AHI1: variants seen among roughly 807,000 people sequenced by gnomAD.
AHI1 encodes jouberin.
In AHI1, 123 loss-of-function variants were observed where a neutral mutation model predicts 149.3. That is an observed-to-expected ratio of 0.82 (90% confidence interval 0.71 to 0.96). The LOEUF (loss-of-function observed/expected upper bound fraction) is 0.96. Among genes scored for constraint, AHI1 ranks in the 40% least tolerant of loss-of-function variants. The pLI, the probability that AHI1 is intolerant of heterozygous loss-of-function variation, is 0.00. For synonymous variants in AHI1, 475 were observed against 459.8 expected (o/e 1.03, Z -0.42); for missense variants, 1,439 against 1,422.7 (o/e 1.01, Z -0.18).
At chr6:135,427,574 G>A (rs1562743064) in intron 19 of AHI1, among the ~76,000 whole-genome samples, 2 of 151,652 alleles carry the variant, frequency 1.3e-5, no homozygotes, top group Non-Finnish European at 3.0e-5. Flanking sequence ...GGCACAGACG[G>A]AAGTAGAGAG....
chr6:135,487,939 T>C (rs115577659), intron 5 of AHI1, among the ~76,000 whole-genome samples: 2,099 of 152,162 alleles, frequency 0.014, 61 homozygotes, highest in African/African-American at 0.048. Context: ...CTGATATTTC[T>C]CTAATAATGC....
intron 24 of AHI1, among the ~76,000 whole-genome samples, chr6:135,337,772 A>AG (rs1183904394): frequency 6.7e-6 from 1 of 149,972 alleles, no homozygotes; most frequent in Non-Finnish European, 1.5e-5. Context: ...CTCAAAAAGA[A>AG]AAAAAAAAAA....
intron 24 of AHI1, among the ~76,000 whole-genome samples, chr6:135,337,346 T>C (rs1432769273): frequency 1.3e-5 from 2 of 152,228 alleles, no homozygotes; most frequent in East Asian, 3.8e-4. Flanking sequence ...CATACACATA[T>C]ATGTATATAT....
chr6:135,463,118 A>C lies in AHI1; in HGVS notation c.931+7T>G. The C allele has an allele frequency of 6.4e-7, 1 of 1,568,246 alleles. No individual in the cohort carries two copies. Among genetic ancestry groups the C allele is most frequent in the Middle Eastern group, 2.0e-4 (1 of 5,024 alleles). On this transcript the variant is annotated splice_region_variant and intron_variant, in intron 8 of 28. Coordinates refer to ENST00000265602, the MANE Select transcript of AHI1 (RefSeq NM_001134831.2). ...ACACAATTTTTCATTTAATTTGTAT[A>C]GCAAACCTGCTTTAGTCTTCTTTTT...
intron 23 of AHI1, among the ~76,000 whole-genome samples, chr6:135,363,717 G>T (rs1475760460): frequency 4.1e-5 from 6 of 147,020 alleles, no homozygotes; most frequent in East Asian, 2.1e-4. Flanking sequence ...GCGGCTGGCC[G>T]GGCAGAGGCG....
At chr6:135,455,281 A>G (rs1046159130) in intron 10 of AHI1, among the ~76,000 whole-genome samples, 11 of 152,168 alleles carry the variant, frequency 7.2e-5, no homozygotes, top group South Asian at 4.1e-4. Flanking sequence ...CCCTTCACAT[A>G]TAAGTTCTAC....
intron 11 of AHI1, among the ~76,000 whole-genome samples, chr6:135,451,926 G>C (rs553093564): frequency 6.6e-6 from 1 of 151,944 alleles, no homozygotes; most frequent in South Asian, 2.1e-4. Context: ...ATTTATAAAA[G>C]GGTGATCATC....
intron 9 of AHI1, among the ~76,000 whole-genome samples, chr6:135,457,025 G>A (rs1789066034): frequency 6.6e-6 from 1 of 152,160 alleles, no homozygotes; most frequent in Non-Finnish European, 1.5e-5. Flanking sequence ...AGGCACGGTG[G>A]GTCATGCCTG....
intron 20 of AHI1, among the ~76,000 whole-genome samples, chr6:135,419,499 G>T (rs1782848201): frequency 6.6e-6 from 1 of 151,428 alleles, no homozygotes; most frequent in Non-Finnish European, 1.5e-5. Flanking sequence ...TCTCAATAAA[G>T]AAAGTCATAT....
At chr6:135,472,309 T>C (rs542124158) in intron 5 of AHI1, among the ~76,000 whole-genome samples, 1 of 152,152 alleles carries the variant, frequency 6.6e-6, no homozygotes, top group Non-Finnish European at 1.5e-5. Flanking sequence ...TGTGTCTGGT[T>C]TCCTTCATTC....
chr6:135,328,249 A>C (rs1788006350), intron 24 of AHI1, among the ~76,000 whole-genome samples: 1 of 152,160 alleles, frequency 6.6e-6, no homozygotes, highest in African/African-American at 2.4e-5. Flanking sequence ...CATGGTTGGA[A>C]AGTTTTTCCC....
intron 5 of AHI1, among the ~76,000 whole-genome samples, chr6:135,487,452 A>T (rs930996062): frequency 6.6e-6 from 1 of 152,168 alleles, no homozygotes; most frequent in African/African-American, 2.4e-5. Flanking sequence ...TTCTGGACAT[A>T]TATAATAATT....
chr6:135,470,171 A>G (rs749672938), intron 5 of AHI1, among the ~76,000 whole-genome samples: 1 of 152,208 alleles, frequency 6.6e-6, no homozygotes, highest in Non-Finnish European at 1.5e-5. Flanking sequence ...ATGAACACAC[A>G]CTTCTTAAAA....
intron 17 of AHI1, among the ~76,000 whole-genome samples, chr6:135,430,949 G>T (rs1176281489): frequency 6.6e-6 from 1 of 151,878 alleles, no homozygotes; most frequent in Non-Finnish European, 1.5e-5. Flanking sequence ...TCACCCAATG[G>T]ATTACTGAAT....
chr6:135,323,882 A>G (rs1298419713), intron 24 of AHI1, among the ~76,000 whole-genome samples: 1 of 152,186 alleles, frequency 6.6e-6, no homozygotes, highest in Non-Finnish European at 1.5e-5. Flanking sequence ...GTATCCATAT[A>G]AGTTATTTTT....
At chr6:135,330,215 A>C (rs1454206802) in intron 24 of AHI1, among the ~76,000 whole-genome samples, 1 of 152,238 alleles carries the variant, frequency 6.6e-6, no homozygotes, top group Admixed American at 6.5e-5. Flanking sequence ...ATCAGACAGC[A>C]CTACATGCTA....
chr6:135,443,418 A>G (rs1337677251), intron 13 of AHI1, among the ~76,000 whole-genome samples: 1 of 152,194 alleles, frequency 6.6e-6, no homozygotes, highest in Non-Finnish European at 1.5e-5. Flanking sequence ...TATAATTCAA[A>G]AAGTTGAAGT....
chr6:135,482,887 T>C (rs1793892396), intron 5 of AHI1, among the ~76,000 whole-genome samples: 1 of 121,614 alleles, frequency 8.2e-6, no homozygotes, highest in Admixed American at 9.4e-5. Flanking sequence ...GTATAATCCA[T>C]TTAAGGCTTT....
intron 27 of AHI1, among the ~76,000 whole-genome samples, chr6:135,291,289 C>A (rs1342434434): frequency 6.6e-6 from 1 of 152,080 alleles, no homozygotes; most frequent in Non-Finnish European, 1.5e-5. Flanking sequence ...TCTTGTGAAC[C>A]AAATGATATT....
Sources: gnomAD v4.1 joint callset for allele counts (sites outside exome capture counted in the v4.1 genomes callset) on GRCh38, gnomAD v4.1.1 for gene constraint, MANE v1.5 for transcripts, NCBI Gene and HGNC (gene_info 2026-07-23, HGNC 2026-07-21) for gene names.